Variants in REEP5 observed in about 807,000 individuals in gnomAD.
REEP5 encodes receptor expression-enhancing protein 5.
A neutral mutation model predicts 22.4 loss-of-function variants in REEP5; 24 were observed. That is an observed-to-expected ratio of 1.07 (90% CI 0.78 to 1.51). The LOEUF (loss-of-function observed/expected upper bound fraction) is 1.51. Ranked by LOEUF, REEP5 falls within the 40% of genes most tolerant of loss-of-function variation. The probability of loss-of-function intolerance (pLI) is 0.00; values close to 1 mark genes in which losing one functional copy is unlikely to be tolerated. For missense variants in REEP5, 252 were observed against 233.0 expected (o/e 1.08, Z -0.53); for synonymous variants, 103 against 88.6 (o/e 1.16, Z -0.92).
At chr5:112,887,331 T>G (rs1003808318) in intron 3 of REEP5, 148 bp from the exon 4 acceptor site, 1 of 720,940 alleles carries the variant, frequency 1.4e-6, no homozygotes, top group African/African-American at 1.8e-5. Context: ...AGGTTAAAGG[T>G]GGGCTTTCTT....
chr5:112,916,141 G>A (rs1267434879), intron 2 of REEP5, among the ~76,000 whole-genome samples: 1 of 152,194 alleles, frequency 6.6e-6, no homozygotes, highest in Non-Finnish European at 1.5e-5. Context: ...TTTTTAACTT[G>A]TGTTCCCCAG....
chr5:112,910,249 C>A (rs2150046731), intron 2 of REEP5, among the ~76,000 whole-genome samples: 1 of 152,254 alleles, frequency 6.6e-6, no homozygotes, highest in Non-Finnish European at 1.5e-5. Context: ...CTGCAGTGAG[C>A]TGAGATCGTG....
chr5:112,883,044 C>A (rs1768126354), intron 4 of REEP5, among the ~76,000 whole-genome samples: 1 of 152,226 alleles, frequency 6.6e-6, no homozygotes, highest in South Asian at 2.1e-4. Flanking sequence ...TCCAACAATT[C>A]ACCCTCTCAC....
chr5:112,890,860 T>TC (rs930635194), intron 3 of REEP5, among the ~76,000 whole-genome samples: 1 of 150,720 alleles, frequency 6.6e-6, no homozygotes, highest in African/African-American at 2.5e-5. Context: ...GTCTGGTTTT[T>TC]CCTCTATAAA....
chr5:112,911,070 T>C (rs536101859), intron 2 of REEP5, among the ~76,000 whole-genome samples: 5 of 152,276 alleles, frequency 3.3e-5, no homozygotes, highest in African/African-American at 9.6e-5. Flanking sequence ...GGGACAAAAT[T>C]TTCCTCTGCT....
chr5:112,880,989 C>T (rs932189236), intron 4 of REEP5, among the ~76,000 whole-genome samples: 16 of 151,930 alleles, frequency 1.1e-4, no homozygotes, highest in Non-Finnish European at 1.5e-4. Context: ...ATCAGCTGGG[C>T]GTGGTGGCCC....
chr5:112,887,033 C>A lies in REEP5; in HGVS notation c.502G>T (p.Asp168Tyr), dbSNP rs777460816. The change falls in exon 4 of 5, where the codon GAT becomes TAT. Residue 168 changes from aspartate to tyrosine, a missense_variant. Asp to Tyr is a radical substitution (Grantham distance 160, BLOSUM62 -3). Coordinates refer to ENST00000379638, the MANE Select transcript of REEP5 (RefSeq NM_005669.5). ...DLKDKAKETA[D>Y]AITKEAKKAT... ...GTCTTACCTTCTTTAGTGATGGCAT[C>A]TGCAGTCTCTTTGGCCTTGTCTTTA... 1 of 1,609,358 alleles carries A rather than the reference C, an allele frequency of 6.2e-7. No individual in the cohort carries two copies. Among genetic ancestry groups the A allele is most frequent in the East Asian group, 2.2e-5 (1 of 44,778 alleles).
intron 4 of REEP5, among the ~76,000 whole-genome samples, chr5:112,882,635 G>A (rs925709072): frequency 2.0e-5 from 3 of 152,184 alleles, no homozygotes; most frequent in Non-Finnish European, 2.9e-5. Flanking sequence ...CTGTCCTAGA[G>A]GGGCCAGCAC....
chr5:112,890,756 G>T (rs987618759), intron 3 of REEP5, among the ~76,000 whole-genome samples: 1 of 150,712 alleles, frequency 6.6e-6, no homozygotes, highest in African/African-American at 2.5e-5. Context: ...AGTATATAGA[G>T]AGTAACAGGA....
intron 3 of REEP5, among the ~76,000 whole-genome samples, chr5:112,889,476 C>T (rs936181096): frequency 6.6e-6 from 1 of 150,612 alleles, no homozygotes; most frequent in Non-Finnish European, 1.5e-5. Flanking sequence ...AAGCAATTCA[C>T]CAAGAATATT....
intron 2 of REEP5, among the ~76,000 whole-genome samples, chr5:112,913,545 A>C (rs1315195911): frequency 6.7e-6 from 1 of 150,022 alleles, no homozygotes; most frequent in Non-Finnish European, 1.5e-5. Flanking sequence ...CTAAAAAAAA[A>C]AAAAAAAAAA....
intron 3 of REEP5, among the ~76,000 whole-genome samples, chr5:112,891,115 C>G (rs1561650004): frequency 7.0e-6 from 1 of 143,302 alleles, no homozygotes; most frequent in Non-Finnish European, 1.5e-5. Context: ...CTCTGTCACC[C>G]AGGCTGGAGT....
At chr5:112,910,281 G>A (rs969333802) in intron 2 of REEP5, among the ~76,000 whole-genome samples, 11 of 152,034 alleles carry the variant, frequency 7.2e-5, no homozygotes, top group African/African-American at 2.4e-4. Context: ...CAGCCTGGGC[G>A]ACAGAGCAGG....
chr5:112,913,536 TAAAAAAAAAAAA>T (rs148324454), intron 2 of REEP5, among the ~76,000 whole-genome samples: 1 of 65,438 alleles, frequency 1.5e-5, no homozygotes, highest in Non-Finnish European at 2.9e-5. Flanking sequence ...TGACCCTGGC[TAAAAAAAAAAAA>T]AAAAAAAAAA....
At chr5:112,919,866 T>G (rs916691829) in intron 2 of REEP5, among the ~76,000 whole-genome samples, 2 of 152,138 alleles carry the variant, frequency 1.3e-5, no homozygotes, top group Admixed American at 6.5e-5. Flanking sequence ...GGTCACACTT[T>G]AAGCAACATG....
intron 3 of REEP5, among the ~76,000 whole-genome samples, chr5:112,889,829 A>AAT (rs767437853): frequency 1.7e-4 from 24 of 139,338 alleles, no homozygotes; most frequent in Non-Finnish European, 2.9e-4. Context: ...GAAAAAAAAA[A>AAT]TTTTTTTTTT....
intron 4 of REEP5, among the ~76,000 whole-genome samples, chr5:112,881,051 C>T (rs1365138912): frequency 7.0e-6 from 1 of 142,648 alleles, no homozygotes; most frequent in Non-Finnish European, 1.5e-5. Context: ...ATCCCTTGAA[C>T]CTGGAAGGTG....
chr5:112,891,551 A>T (rs1454114439), intron 3 of REEP5: 1 of 1,513,866 alleles, frequency 6.6e-7, no homozygotes, highest in East Asian at 2.5e-5. Flanking sequence ...ATTCATAAGT[A>T]GAATCACTGA....
At position 112,920,315 on chromosome 5, in the gene REEP5, T is replaced by C. The variant is rs376410467; in HGVS notation, c.212+848A>G. On this transcript the variant is annotated intron_variant, in intron 2 of 4. Transcript: ENST00000379638. ...GTGTCTTAGCCTCCTAGGTGAAAAT[T>C]TTTTCTTCCTTTATTTTTATCCCTA... Among the ~76,000 whole-genome samples, 44 of 152,160 alleles carry C rather than the reference T, an allele frequency of 2.9e-4. 1 individual carries two copies. The highest frequency in any genetic ancestry group is 1.0e-3 in the African/African-American group (42 of 41,418).
Sources: gnomAD v4.1 joint callset for allele counts (sites outside exome capture counted in the v4.1 genomes callset) on GRCh38, gnomAD v4.1.1 for gene constraint, MANE v1.5 for transcripts, NCBI Gene and HGNC (gene_info 2026-07-23, HGNC 2026-07-21) for gene names.